LEKR1: variants seen among roughly 807,000 people sequenced by gnomAD.
LEKR1 encodes leucine, glutamate and lysine rich 1.
Under a neutral mutation model 72.4 loss-of-function variants are expected in LEKR1, and 59 were observed. The ratio of observed to expected loss-of-function variants is 0.82; its 90% CI spans 0.66 to 1.01. The LOEUF (loss-of-function observed/expected upper bound fraction) is 1.01, where lower values mean the gene tolerates loss of function less well. Ranked by LOEUF, LEKR1 falls within the 50% of genes least tolerant of loss-of-function variation. LEKR1 has a pLI of 0.00. For missense variants in LEKR1, 728 were observed against 759.2 expected, an observed-to-expected ratio of 0.96 and a Z score of 0.48; for synonymous variants, 257 against 263.2, an observed-to-expected ratio of 0.98 and a Z score of 0.23.
At chr3:156,836,709 T>C (rs1713188549) in intron 2 of LEKR1, among the ~76,000 whole-genome samples, 1 of 152,244 alleles carries the variant, frequency 6.6e-6, no homozygotes, top group East Asian at 1.9e-4. Flanking sequence ...CAAGCATTTT[T>C]ACAATATGTA....
chr3:156,927,340 A>G (rs911657370), intron 4 of LEKR1, 89 bp from the exon 5 acceptor site: 1 of 432,486 alleles, frequency 2.3e-6, no homozygotes, highest in East Asian at 1.3e-4. Context: ...TAGACACTAG[A>G]TTATATGGTC....
intron 7 of LEKR1, chr3:156,988,347 C>T (rs1033175248): frequency 1.7e-4 from 39 of 224,036 alleles, no homozygotes; most frequent in African/African-American, 8.8e-4. Flanking sequence ...GCCTCTGGGT[C>T]AGCTGATTAA....
At chr3:157,025,813 G>T (rs1000277103) in intron 11 of LEKR1, among the ~76,000 whole-genome samples, 1 of 151,774 alleles carries the variant, frequency 6.6e-6, no homozygotes, top group Non-Finnish European at 1.5e-5. Flanking sequence ...ATCACTTGAG[G>T]CCAGGAATTC....
At chr3:156,943,235 A>G (rs777450807) in intron 6 of LEKR1, among the ~76,000 whole-genome samples, 17 of 151,974 alleles carry the variant, frequency 1.1e-4, no homozygotes, top group Non-Finnish European at 1.8e-4. Context: ...TCACAAAAGC[A>G]GAATTTTAGA....
At chr3:156,987,907 G>A (rs1004535306) in intron 7 of LEKR1, among the ~76,000 whole-genome samples, 5 of 152,170 alleles carry the variant, frequency 3.3e-5, no homozygotes, top group African/African-American at 7.2e-5. Flanking sequence ...TAAAAACAAC[G>A]AATTGTTGAA....
chr3:157,036,352 G>T (rs1048916000), intron 12 of LEKR1, among the ~76,000 whole-genome samples: 1 of 151,896 alleles, frequency 6.6e-6, no homozygotes, highest in Non-Finnish European at 1.5e-5. Context: ...AAATCTCCTA[G>T]AAAGTAGAAG....
At chr3:156,900,877 G>A (rs1008059870) in intron 3 of LEKR1, among the ~76,000 whole-genome samples, 20 of 151,924 alleles carry the variant, frequency 1.3e-4, no homozygotes, top group East Asian at 3.8e-4. Context: ...TGAATGATTC[G>A]GCATTTATAA....
chr3:156,946,503 A>G (rs1726689545), intron 6 of LEKR1, among the ~76,000 whole-genome samples: 1 of 151,514 alleles, frequency 6.6e-6, no homozygotes, highest in Admixed American at 6.6e-5. Context: ...GAAAGTGGGC[A>G]TCCTTGTTGT....
At chr3:156,956,301 T>G (rs1727630351) in intron 6 of LEKR1, among the ~76,000 whole-genome samples, 1 of 152,014 alleles carries the variant, frequency 6.6e-6, no homozygotes, top group Non-Finnish European at 1.5e-5. Flanking sequence ...CTTCAGCTTC[T>G]TGGCATCAAT....
intron 6 of LEKR1, among the ~76,000 whole-genome samples, chr3:156,953,529 C>G (rs1576890100): frequency 1.3e-5 from 2 of 151,662 alleles, no homozygotes; most frequent in South Asian, 2.1e-4. Flanking sequence ...TTGACAGGCT[C>G]TAGTGTGTGT....
At chr3:156,879,642 G>A (rs906814466) in intron 3 of LEKR1, among the ~76,000 whole-genome samples, 2 of 152,222 alleles carry the variant, frequency 1.3e-5, no homozygotes, top group Admixed American at 6.5e-5. Context: ...GGATGCCAGA[G>A]ACTTTTGCAG....
chr3:157,029,950 A>G (rs1411436894), intron 12 of LEKR1, among the ~76,000 whole-genome samples: 1 of 152,230 alleles, frequency 6.6e-6, no homozygotes, highest in Admixed American at 6.6e-5. Flanking sequence ...GTAAATGTAT[A>G]TTAGCATCTG....
intron 12 of LEKR1, among the ~76,000 whole-genome samples, chr3:157,034,197 A>G (rs1485677351): frequency 4.6e-5 from 7 of 152,234 alleles, no homozygotes; most frequent in African/African-American, 1.4e-4. Flanking sequence ...ATCAAGGAAC[A>G]GTTTTGACTT....
At chr3:156,866,503 T>C (rs929159450) in intron 3 of LEKR1, among the ~76,000 whole-genome samples, 1 of 152,064 alleles carries the variant, frequency 6.6e-6, no homozygotes, top group Admixed American at 6.6e-5. Flanking sequence ...GATATCTTGG[T>C]GTCCTTGTCC....
intron 6 of LEKR1, among the ~76,000 whole-genome samples, chr3:156,966,150 G>A (rs752483321): frequency 6.6e-6 from 1 of 152,076 alleles, no homozygotes; most frequent in African/African-American, 2.4e-5. Context: ...GATGGGGGTG[G>A]AGCCAAGATG....
chr3:156,848,197 A>G (rs1404634053), intron 2 of LEKR1, among the ~76,000 whole-genome samples: 2 of 152,210 alleles, frequency 1.3e-5, no homozygotes, highest in African/African-American at 4.8e-5. Context: ...GTTCAGATTT[A>G]TTGACATGGA....
chr3:156,942,408 A>G (rs1048721417), intron 5 of LEKR1, 121 bp from the exon 6 acceptor site: 4 of 327,672 alleles, frequency 1.2e-5, no homozygotes, highest in Non-Finnish European at 1.7e-5. Context: ...TGTCATTATA[A>G]TCTCAGAAAT....
At chr3:156,838,768 C>T (rs1713495486) in intron 2 of LEKR1, among the ~76,000 whole-genome samples, 1 of 152,252 alleles carries the variant, frequency 6.6e-6, no homozygotes, top group Admixed American at 6.5e-5. Flanking sequence ...CCTCCAATTC[C>T]AACATACTGG....
In LEKR1 at chr3:156,886,978, T is replaced by C. The variant is rs1720165597; in HGVS notation, c.264-33597T>C. ...TGGTGTGAGTCTCCACATGCTGTTT[T>C]GTCCATCCATGTGGGAGCTACACAT... On this transcript the variant is annotated intron_variant, in intron 3 of 12. Transcript: ENST00000356539. 2.0e-5 allele frequency among the ~76,000 whole-genome samples: 3 copies of C among 152,358 alleles called. No individual in the cohort carries two copies. The South Asian group carries it at 6.2e-4, about 32-fold the overall frequency.
Sources: allele counts gnomAD v4.1 joint callset (sites outside exome capture counted in the v4.1 genomes callset), GRCh38; gene constraint gnomAD v4.1.1; transcripts MANE v1.5; gene names NCBI Gene and HGNC (gene_info 2026-07-23, HGNC 2026-07-21).